ABHD17C: variants seen among roughly 807,000 people sequenced by gnomAD.
ABHD17C encodes abhydrolase domain containing 17C, depalmitoylase, also known as alpha/beta hydrolase domain-containing protein 17C.
A neutral mutation model predicts 27.9 loss-of-function variants in ABHD17C; 11 were observed. The observed-to-expected ratio is 0.39, with a 90% confidence interval of 0.25 to 0.65. The LOEUF is 0.65. Among genes scored for constraint, ABHD17C ranks in the 30% least tolerant of loss-of-function variants. The pLI, the probability that ABHD17C is intolerant of heterozygous loss-of-function variation, is 0.45. For missense variants in ABHD17C, 280 were observed against 470.2 expected, an observed-to-expected ratio of 0.60 and a Z score of 3.74; for synonymous variants, 233 against 209.1, an observed-to-expected ratio of 1.11 and a Z score of -0.98.
At chr15:80,711,219 G>A (rs1287722555) in intron 1 of ABHD17C, among the ~76,000 whole-genome samples, 1 of 152,018 alleles carries the variant, frequency 6.6e-6, no homozygotes, top group Non-Finnish European at 1.5e-5. Flanking sequence ...GTTGCCACCA[G>A]GCCTTTAAAA....
At position 80,706,397 on chromosome 15, in the gene ABHD17C, G is replaced by A. The variant is rs1023926616; in HGVS notation, c.590+10378G>A. Reference sequence around the variant, plus strand: ...TCAATTACTTGCTGAATTGCTGAGAGGAGCCTAACCTCAAGCTTACTTGTT... The same window carrying A: ...TCAATTACTTGCTGAATTGCTGAGAAGAGCCTAACCTCAAGCTTACTTGTT... On this transcript the variant is annotated intron_variant, in intron 1 of 2. Coordinates refer to ENST00000258884, the MANE Select transcript of ABHD17C (RefSeq NM_021214.2). Among the ~76,000 whole-genome samples, 29 of 152,300 alleles carry A rather than the reference G, an allele frequency of 1.9e-4. 4 individuals are homozygous for A. Among genetic ancestry groups the A allele is most frequent in the Admixed American group, 1.6e-3 (25 of 15,302 alleles).
At position 80,754,407 on chromosome 15, in the gene ABHD17C, A is replaced by C. The variant is rs191081495; in HGVS notation, c.*37A>C. ...TGATCTTACCTCATTTACTGTGAAC[A>C]GAAGAGTCCTCTGTTTTGCACATGC... is the stretch of plus-strand genomic sequence containing the variant. On this transcript the variant is annotated 3_prime_UTR_variant, in exon 3 of 3. Transcript: ENST00000258884. 3 of 1,554,378 alleles carry C rather than the reference A, an allele frequency of 1.9e-6. No homozygotes were observed.
chr15:80,736,334 G>A (rs1252866098), intron 1 of ABHD17C, among the ~76,000 whole-genome samples: 1 of 152,074 alleles, frequency 6.6e-6, no homozygotes, highest in Non-Finnish European at 1.5e-5. Context: ...TACATTTTAG[G>A]TGATTGATGC....
At chr15:80,698,971 G>A (rs1894535221) in intron 1 of ABHD17C, among the ~76,000 whole-genome samples, 1 of 152,180 alleles carries the variant, frequency 6.6e-6, no homozygotes, top group African/African-American at 2.4e-5. Flanking sequence ...GTAAGGTGCA[G>A]TGCCCTGCAG....
At chr15:80,734,807 T>C (rs1895106823) in intron 1 of ABHD17C, among the ~76,000 whole-genome samples, 2 of 152,230 alleles carry the variant, frequency 1.3e-5, no homozygotes, top group Non-Finnish European at 2.9e-5. Context: ...TGAAGCATCA[T>C]ACATTAAGGG....
At chr15:80,727,971 A>G (rs1895004468) in intron 1 of ABHD17C, among the ~76,000 whole-genome samples, 1 of 152,042 alleles carries the variant, frequency 6.6e-6, no homozygotes, top group South Asian at 2.1e-4. Context: ...ATGGCTCTGC[A>G]CAGAGGGGCT....
At chr15:80,720,494 C>G (rs1894879807) in intron 1 of ABHD17C, among the ~76,000 whole-genome samples, 1 of 152,146 alleles carries the variant, frequency 6.6e-6, no homozygotes, top group African/African-American at 2.4e-5. Context: ...AATGCAGAGC[C>G]TGGTGCTGGA....
chr15:80,745,598 C>A (rs1031344950), intron 1 of ABHD17C, among the ~76,000 whole-genome samples: 10 of 152,116 alleles, frequency 6.6e-5, no homozygotes, highest in African/African-American at 2.2e-4. Flanking sequence ...AACTACTGGT[C>A]TCAAGTGATC....
chr15:80,720,822 G>C (rs1428075417), intron 1 of ABHD17C, among the ~76,000 whole-genome samples: 1 of 151,806 alleles, frequency 6.6e-6, no homozygotes, highest in African/African-American at 2.4e-5. Context: ...TTGGGAGGCT[G>C]AGGCAGGAGA....
chr15:80,732,190 C>T (rs1035349214), intron 1 of ABHD17C, among the ~76,000 whole-genome samples: 15 of 152,196 alleles, frequency 9.9e-5, no homozygotes, highest in Non-Finnish European at 1.6e-4. Context: ...CACGAGAGAA[C>T]GGACACCCAG....
At chr15:80,725,992 G>A (rs991404440) in intron 1 of ABHD17C, among the ~76,000 whole-genome samples, 10 of 152,088 alleles carry the variant, frequency 6.6e-5, no homozygotes, top group African/African-American at 2.2e-4. Context: ...CGAGAGCCCC[G>A]AACAGAGATT....
chr15:80,734,187 GT>G (rs1293977091), intron 1 of ABHD17C, among the ~76,000 whole-genome samples: 1 of 152,026 alleles, frequency 6.6e-6, no homozygotes, highest in Non-Finnish European at 1.5e-5. Context: ...GATTCACCAT[GT>G]TGCCCAGAGT....
At chr15:80,730,415 A>T (rs533980107) in intron 1 of ABHD17C, among the ~76,000 whole-genome samples, 1 of 152,344 alleles carries the variant, frequency 6.6e-6, no homozygotes, top group South Asian at 2.1e-4. Flanking sequence ...CTTAGTGTGT[A>T]TGATGAATAC....
intron 1 of ABHD17C, among the ~76,000 whole-genome samples, chr15:80,749,249 A>G (rs547303990): frequency 1.3e-5 from 2 of 152,340 alleles, no homozygotes; most frequent in African/African-American, 4.8e-5. Context: ...CATATATTTA[A>G]TTAGCCAGAA....
intron 1 of ABHD17C, among the ~76,000 whole-genome samples, chr15:80,746,951 A>C (rs1242017140): frequency 6.6e-6 from 1 of 152,192 alleles, no homozygotes; most frequent in Non-Finnish European, 1.5e-5. Flanking sequence ...GATTTTATCA[A>C]AGAAGGTGAG....
chr15:80,712,847 G>A (rs947837533), intron 1 of ABHD17C, among the ~76,000 whole-genome samples: 2 of 151,944 alleles, frequency 1.3e-5, no homozygotes, highest in East Asian at 1.9e-4. Context: ...TCATCTCCTC[G>A]GATCCATGAG....
intron 1 of ABHD17C, among the ~76,000 whole-genome samples, chr15:80,726,501 G>GTTTTTTTTTT (rs10572505): frequency 3.2e-5 from 3 of 94,508 alleles, no homozygotes; most frequent in African/African-American, 1.6e-4. Flanking sequence ...TCTTTTTCTG[G>GTTTTTTTTTT]TTTTTTTTTT....
intron 1 of ABHD17C, among the ~76,000 whole-genome samples, chr15:80,728,025 C>G (rs938511357): frequency 3.3e-5 from 5 of 152,154 alleles, no homozygotes; most frequent in Non-Finnish European, 7.3e-5. Flanking sequence ...CAGCCAGGCT[C>G]TGCTGCCTAA....
chr15:80,726,501 GTTTTTT>G (rs10572505), intron 1 of ABHD17C, among the ~76,000 whole-genome samples: 3 of 94,498 alleles, frequency 3.2e-5, no homozygotes, highest in Admixed American at 1.3e-4. Context: ...TCTTTTTCTG[GTTTTTT>G]TTTTTTTTTT....
Sources: allele counts gnomAD v4.1 joint callset (sites outside exome capture counted in the v4.1 genomes callset), GRCh38; gene constraint gnomAD v4.1.1; transcripts MANE v1.5; gene names NCBI Gene and HGNC (gene_info 2026-07-23, HGNC 2026-07-21).